Variants in AKNA observed in about 807,000 individuals in gnomAD.
AKNA encodes the protein microtubule organization protein AKNA.
AKNA carries 67 observed loss-of-function variants against 138.8 expected under a neutral mutation model. The ratio of observed to expected loss-of-function variants is 0.48; its 90% CI spans 0.40 to 0.59. The LOEUF (loss-of-function observed/expected upper bound fraction) is 0.59. AKNA is among the 20% of genes least tolerant of loss of function. The probability of loss-of-function intolerance (pLI) is 0.00; values close to 1 mark genes in which losing one functional copy is unlikely to be tolerated. For missense variants in AKNA, 1,813 were observed against 1,880.4 expected, an observed-to-expected ratio of 0.96 and a Z score of 0.66; for synonymous variants, 737 against 754.4, an observed-to-expected ratio of 0.98 and a Z score of 0.38.
At chr9:114,360,209 T>A in intron 9 of AKNA, 147 bp from the exon 10 acceptor site, 3 of 931,902 alleles carry the variant, frequency 3.2e-6, no homozygotes, top group South Asian at 1.6e-5. Context: ...TATGTATGTG[T>A]AAACTATGGA....
At chr9:114,348,800 A>G (rs1198221826) in intron 15 of AKNA, 1 of 452,146 alleles carries the variant, frequency 2.2e-6, no homozygotes, top group East Asian at 7.0e-5. Context: ...AGCCAGGCTC[A>G]GCAAAGCCAC....
chr9:114,331,462 C>T, downstream of AKNA: 1 of 910,242 alleles, frequency 1.1e-6, no homozygotes, highest in Admixed American at 2.3e-5. Flanking sequence ...CGGGCCTTCA[C>T]TGATGGGCTT....
In AKNA at chr9:114,350,889, G is replaced by C. The variant is rs1206324805; in HGVS notation, c.3191C>G (p.Pro1064Arg). The C allele has an allele frequency of 1.3e-6, 2 of 1,591,140 alleles. No individual in the cohort carries two copies. The highest frequency in any genetic ancestry group is 1.7e-6 in the Non-Finnish European group (2 of 1,168,758). ...PLPCGPTETI[P>R]SFLLTRAGRD... ...CCCTGCCCTGGTGAGCAGGAAGCTG[G>C]GGATGGTCTCTGTTGGTCCACAGGG... The change falls in exon 15 of 22, where the codon CCC (proline) becomes CGC (arginine). Residue 1064 changes from proline to arginine, a missense_variant. Transcript: ENST00000374088.
At chr9:114,341,754 C>G (rs1830368717) in intron 20 of AKNA, 29 bp from the exon 21 acceptor site, 1 of 1,535,332 alleles carries the variant, frequency 6.5e-7, no homozygotes, top group Non-Finnish European at 8.7e-7. Context: ...CACAGAGAGA[C>G]AGAGTCTGAC....
At chr9:114,352,926 A>AAG (rs906929584) in intron 14 of AKNA, among the ~76,000 whole-genome samples, 6 of 152,280 alleles carry the variant, frequency 3.9e-5, no homozygotes, top group African/African-American at 1.4e-4. Flanking sequence ...ATCTCAAAAA[A>AAG]AAAAAAAGAT....
At chr9:114,377,863 T>A (rs1833360124) in intron 2 of AKNA, among the ~76,000 whole-genome samples, 1 of 152,160 alleles carries the variant, frequency 6.6e-6, no homozygotes, top group Non-Finnish European at 1.5e-5. Flanking sequence ...ACCCCCTGAA[T>A]CCATTCTGTC....
chr9:114,347,934 G>A (rs1470307588), intron 15 of AKNA, 34 bp from the exon 16 acceptor site: 1 of 1,543,932 alleles, frequency 6.5e-7, no homozygotes, highest in Admixed American at 2.0e-5. Flanking sequence ...ACAAAGAACA[G>A]AGGCATGAGG....
upstream of AKNA, among the ~76,000 whole-genome samples, chr9:114,390,393 G>C (rs1046545486): frequency 2.6e-5 from 4 of 151,988 alleles, no homozygotes; most frequent in Admixed American, 2.6e-4. Flanking sequence ...TTTCACCCAG[G>C]TACACACTGA....
At chr9:114,333,402 C>T, downstream of AKNA, 1 of 500,746 alleles carries the variant, frequency 2.0e-6, no homozygotes, top group Non-Finnish European at 3.5e-6. Context: ...CTGTGGGAGC[C>T]CAGCACTGTG....
At position 114,341,459 on chromosome 9, in the gene AKNA, CA is replaced by C. The variant is rs564492586; in HGVS notation, c.4067+73del. The C allele has an allele frequency of 1.9e-4, 293 of 1,582,124 alleles. 1 individual carries two copies. The African/African-American group carries it at 3.6e-3, about 19-fold the overall frequency. On this transcript the variant is annotated intron_variant, in intron 21 of 21. Transcript: ENST00000374088. ...GGAGTATACTGCATCTCAGCTGCCC[CA>C]CCCAGGTCTGAATGCTAACATATTC...
chr9:114,375,713 C>T (rs916256624), intron 3 of AKNA, among the ~76,000 whole-genome samples: 3 of 151,802 alleles, frequency 2.0e-5, no homozygotes, highest in Non-Finnish European at 2.9e-5. Context: ...GAAAGGTTTT[C>T]GGGGCTGCTA....
chr9:114,390,229 C>A (rs1834282097), upstream of AKNA, among the ~76,000 whole-genome samples: 1 of 152,132 alleles, frequency 6.6e-6, no homozygotes, highest in Non-Finnish European at 1.5e-5. Context: ...CAAGCATGAC[C>A]AACCCTCCTC....
chr9:114,385,104 T>G (rs537869105), intron 1 of AKNA, among the ~76,000 whole-genome samples: 15 of 152,316 alleles, frequency 9.8e-5, no homozygotes, highest in South Asian at 6.2e-4. Context: ...TCCTCCTGCC[T>G]CGGCCTCCCT....
chr9:114,348,607 AACCC>A (rs944323355), intron 15 of AKNA, among the ~76,000 whole-genome samples: 30 of 152,316 alleles, frequency 2.0e-4, no homozygotes, highest in African/African-American at 7.2e-4. Context: ...ATCCTGGTGA[AACCC>A]CCAACATGGT....
At position 114,376,906 on chromosome 9, in the gene AKNA, TTGTC is replaced by T. The variant is rs766875230; in HGVS notation, c.897_900del (p.Thr300ArgfsTer18). The T allele has an allele frequency of 1.9e-6, 3 of 1,614,184 alleles. No individual in the cohort carries two copies. Among genetic ancestry groups the T allele is most frequent in the Admixed American group, 1.7e-5 (1 of 60,022 alleles). ...GAAGGGAGTGGCTTAGGTGACGTCT[TTGTC>T]TGCTTCCAGATGTGTTCCTTGGGCT... On this transcript the variant is annotated frameshift_variant, in exon 3 of 22. Coordinates refer to ENST00000374088, the MANE Select transcript of AKNA (RefSeq NM_001317950.2). LOFTEE classifies it high-confidence loss of function.
chr9:114,369,302 T>C (rs1345138573), intron 4 of AKNA, among the ~76,000 whole-genome samples: 1 of 152,190 alleles, frequency 6.6e-6, no homozygotes, highest in East Asian at 1.9e-4. Flanking sequence ...GAGAACTATG[T>C]TCTGTTTTTG....
intron 5 of AKNA, chr9:114,368,209 C>T (rs967598781): frequency 4.8e-6 from 2 of 412,922 alleles, no homozygotes; most frequent in African/African-American, 4.1e-5. Flanking sequence ...CCCAGGGTCA[C>T]CAAGATGCCA....
intron 1 of AKNA, among the ~76,000 whole-genome samples, chr9:114,385,650 G>T (rs2132121614): frequency 6.6e-6 from 1 of 152,348 alleles, no homozygotes. Flanking sequence ...AGGGGAAGGT[G>T]CACGTCAGAG....
intron 8 of AKNA, 104 bp from the exon 9 acceptor site, chr9:114,362,015 G>A: frequency 8.5e-7 from 1 of 1,179,524 alleles, no homozygotes; most frequent in East Asian, 2.4e-5. Context: ...TGCCCCCTTA[G>A]GGTCCATTTA....
Sources: allele counts gnomAD v4.1 joint callset (sites outside exome capture counted in the v4.1 genomes callset), GRCh38; gene constraint gnomAD v4.1.1; transcripts MANE v1.5; gene names NCBI Gene and HGNC (gene_info 2026-07-23, HGNC 2026-07-21).